The following LAMA2 variants were observed in gnomAD, a reference collection of about 807,000 sequenced individuals.
The protein encoded by LAMA2 is laminin subunit alpha 2.
In LAMA2, 269 loss-of-function variants were observed where a neutral mutation model predicts 364.8. The observed-to-expected ratio is 0.74, with a 90% CI of 0.67 to 0.82. The LOEUF is 0.82. Ranked by LOEUF, LAMA2 falls within the 40% of genes least tolerant of loss-of-function variation. The probability of loss-of-function intolerance (pLI) is 0.00; values close to 1 mark genes in which losing one functional copy is unlikely to be tolerated. For synonymous variants in LAMA2, 1,379 were observed against 1,370.6 expected, an observed-to-expected ratio of 1.01 and a Z score of -0.14; for missense variants, 3,807 against 3,873.2, an observed-to-expected ratio of 0.98 and a Z score of 0.45.
At chr6:129,045,428 G>A (rs1048737589) in intron 1 of LAMA2, among the ~76,000 whole-genome samples, 6 of 152,156 alleles carry the variant, frequency 3.9e-5, no homozygotes, top group Admixed American at 6.5e-5. Context: ...AAGAAGTCTT[G>A]TAAGCTTTTT....
chr6:128,993,963 A>C (rs1367226180), intron 1 of LAMA2, among the ~76,000 whole-genome samples: 1 of 152,228 alleles, frequency 6.6e-6, no homozygotes, highest in Non-Finnish European at 1.5e-5. Context: ...GAGAGTTTTA[A>C]ACTTGATAAC....
intron 48 of LAMA2, among the ~76,000 whole-genome samples, chr6:129,458,681 G>A (rs1783092870): frequency 6.6e-6 from 1 of 151,922 alleles, no homozygotes; most frequent in South Asian, 2.1e-4. Context: ...ATCTTTCTAT[G>A]CGGCTGTGCA....
chr6:129,148,820 C>T (rs569883094), intron 6 of LAMA2, among the ~76,000 whole-genome samples, 159 bp from the exon 7 acceptor site: 2 of 152,094 alleles, frequency 1.3e-5, no homozygotes, highest in Non-Finnish European at 2.9e-5. Flanking sequence ...AATATACCCA[C>T]TTCAAGCCTG....
intron 22 of LAMA2, among the ~76,000 whole-genome samples, chr6:129,311,526 A>T (rs1046942675): frequency 6.6e-6 from 1 of 152,146 alleles, no homozygotes; most frequent in Non-Finnish European, 1.5e-5. Context: ...CTGCCACCGG[A>T]TACGGAGAAA....
intron 32 of LAMA2, among the ~76,000 whole-genome samples, chr6:129,359,172 T>C (rs1777319044): frequency 1.3e-5 from 2 of 151,212 alleles, no homozygotes; most frequent in Admixed American, 1.3e-4. Context: ...AAGTTTCCAT[T>C]AGTGTTTTGA....
chr6:129,449,919 C>G (rs1016616284), intron 45 of LAMA2, among the ~76,000 whole-genome samples: 1 of 151,502 alleles, frequency 6.6e-6, no homozygotes, highest in Non-Finnish European at 1.5e-5. Flanking sequence ...TCTCCTGCCT[C>G]AGCCTCCTGA....
At chr6:129,227,690 C>G (rs989541787) in intron 12 of LAMA2, among the ~76,000 whole-genome samples, 1 of 152,152 alleles carries the variant, frequency 6.6e-6, no homozygotes, top group African/African-American at 2.4e-5. Context: ...CCTCTGGAAG[C>G]TTCGTCTCAG....
chr6:129,513,776 T>C (rs1786797373), intron 63 of LAMA2, among the ~76,000 whole-genome samples: 2 of 152,180 alleles, frequency 1.3e-5, no homozygotes, highest in Admixed American at 1.3e-4. Context: ...AGTTCTTCAT[T>C]GTTAGGAATT....
Position 129,512,365 on chromosome 6 carries a change from G to C in LAMA2, c.8860G>C (p.Gly2954Arg). 1.2e-6 allele frequency: 2 copies of C among 1,613,284 alleles called. No homozygotes were observed. Among genetic ancestry groups the C allele is most frequent in the Non-Finnish European group, 8.5e-7 (1 of 1,179,376 alleles). The stretch of plus-strand genomic sequence containing the variant: ...ATTTTAAAATCTTCATTTTACAGTT[G>C]GTGGATTCAAAGTGGGATTGGACCT... ...FDGTGFAKAVGGFKVGLDLLV... is the reference protein window; with the variant it reads ...FDGTGFAKAVRGFKVGLDLLV... Residue 2954 changes from glycine (G) to arginine (R), a missense_variant and splice_region_variant, in exon 63 of 65, where the codon GGT (glycine) becomes CGT (arginine). Gly to Arg is a moderately radical substitution (Grantham distance 125). Transcript: ENST00000421865.
At chr6:129,083,617 C>A (rs1243456265) in intron 3 of LAMA2, among the ~76,000 whole-genome samples, 1 of 152,174 alleles carries the variant, frequency 6.6e-6, no homozygotes, top group Non-Finnish European at 1.5e-5. Flanking sequence ...AAGACCCAAG[C>A]TGACTTTACC....
At chr6:129,140,330 G>T (rs987065351) in intron 4 of LAMA2, among the ~76,000 whole-genome samples, 3 of 152,050 alleles carry the variant, frequency 2.0e-5, no homozygotes, top group Non-Finnish European at 4.4e-5. Flanking sequence ...GTTATAAAAA[G>T]AGATGTTTCT....
At chr6:129,060,753 C>CA (rs1050685833) in intron 3 of LAMA2, among the ~76,000 whole-genome samples, 25 of 152,152 alleles carry the variant, frequency 1.6e-4, no homozygotes, top group Admixed American at 3.3e-4. Context: ...TGCCATTTGC[C>CA]ACCAGCATGA....
At chr6:129,261,102 G>T (rs573486319) in intron 15 of LAMA2, among the ~76,000 whole-genome samples, 1 of 152,002 alleles carries the variant, frequency 6.6e-6, no homozygotes, top group African/African-American at 2.4e-5. Context: ...TTGTATGCTG[G>T]ATGGTAGCAG....
rs567364530 is a variant in LAMA2, at chr6:129,104,032, T to C, written c.639+5617T>C. On this transcript the variant is annotated intron_variant, in intron 4 of 64. Transcript: ENST00000421865. ...TTCCTTCCTTCCTTCCTTTTTTTTC[T>C]TTCTTCTTTACAAACAGGTTCTCAT... Among the ~76,000 whole-genome samples the C allele has an allele frequency of 3.0e-4, 45 of 152,174 alleles. 1 individual carries two copies. Among genetic ancestry groups the C allele is most frequent in the African/African-American group, 8.7e-4 (36 of 41,518 alleles).
intron 1 of LAMA2, among the ~76,000 whole-genome samples, chr6:128,981,894 T>G (rs1269779784): frequency 6.6e-6 from 1 of 152,202 alleles, no homozygotes; most frequent in African/African-American, 2.4e-5. Flanking sequence ...TCTTAATTGC[T>G]AGCCAGGCCT....
At chr6:129,458,107 G>A (rs1015742460) in intron 48 of LAMA2, among the ~76,000 whole-genome samples, 1 of 152,070 alleles carries the variant, frequency 6.6e-6, no homozygotes, top group South Asian at 2.1e-4. Flanking sequence ...GAAGAGAGAT[G>A]TTAAATGTCT....
At chr6:129,214,488 A>G (rs1445218726) in intron 12 of LAMA2, among the ~76,000 whole-genome samples, 1 of 152,162 alleles carries the variant, frequency 6.6e-6, no homozygotes, top group African/African-American at 2.4e-5. Context: ...TATTCTAACC[A>G]TAACACAAAT....
intron 5 of LAMA2, among the ~76,000 whole-genome samples, chr6:129,145,771 A>G (rs1778396421): frequency 6.6e-6 from 1 of 151,988 alleles, no homozygotes; most frequent in Non-Finnish European, 1.5e-5. Flanking sequence ...ATATAAAAAT[A>G]AGATAGCAAA....
At chr6:129,471,181 C>A (rs1308210845) in intron 51 of LAMA2, among the ~76,000 whole-genome samples, 6 of 151,752 alleles carry the variant, frequency 4.0e-5, no homozygotes, top group Non-Finnish European at 7.4e-5. Context: ...TGTCAATAGC[C>A]TACTTTTCTA....
Sources: gnomAD v4.1 joint callset for allele counts (sites outside exome capture counted in the v4.1 genomes callset) on GRCh38, gnomAD v4.1.1 for gene constraint, MANE v1.5 for transcripts, NCBI Gene and HGNC (gene_info 2026-07-23, HGNC 2026-07-21) for gene names.